The following CERS1 variants were observed in gnomAD, a reference collection of about 807,000 sequenced individuals.
The protein encoded by CERS1 is Embryonic growth/differentiation factor 1.
A neutral mutation model predicts 35.7 loss-of-function variants in CERS1; 16 were observed. The observed-to-expected ratio is 0.45, with a 90% confidence interval of 0.30 to 0.68. The LOEUF (loss-of-function observed/expected upper bound fraction) is 0.68, where lower values mean the gene tolerates loss of function less well. CERS1 is among the 30% of genes least tolerant of loss of function. The pLI, the probability that CERS1 is intolerant of heterozygous loss-of-function variation, is 0.08. For synonymous variants in CERS1, 243 were observed against 201.6 expected (o/e 1.21, Z -1.74); for missense variants, 454 against 453.9 (o/e 1.00, Z 0.00).
intron 6 of CERS1, among the ~76,000 whole-genome samples, chr19:18,877,508 T>C (rs2056079747): frequency 6.6e-6 from 1 of 152,092 alleles, no homozygotes; most frequent in Non-Finnish European, 1.5e-5. Context: ...CCCAGCAGCT[T>C]TGGGAGGCTA....
At position 18,869,062 on chromosome 19, in the gene CERS1, C is replaced by T; in HGVS notation, c.*923G>A. 1.9e-6 allele frequency: 2 copies of T among 1,059,672 alleles called. No homozygotes were observed. Among genetic ancestry groups the T allele is most frequent in the South Asian group, 4.2e-5 (1 of 23,534 alleles). 65.6% of individuals were successfully genotyped at this position (1,059,672 alleles called of 1,614,324 possible). On this transcript the variant is annotated 3_prime_UTR_variant, in exon 8 of 8. Transcript: ENST00000623882. The stretch of plus-strand genomic sequence containing the variant: ...AGGCGGCAGGGGCCCGGGGGCGTAG[C>T]GCCAGCGCCAGGCGGAGGCTGCGCG...
At chr19:18,886,030 G>A (rs1191315330) in intron 2 of CERS1, among the ~76,000 whole-genome samples, 1 of 152,078 alleles carries the variant, frequency 6.6e-6, no homozygotes, top group East Asian at 1.9e-4. Context: ...CAGGTGATGG[G>A]TGACACACCA....
intron 6 of CERS1, among the ~76,000 whole-genome samples, chr19:18,876,063 C>T (rs1442742871): frequency 1.3e-5 from 2 of 152,186 alleles, no homozygotes; most frequent in Non-Finnish European, 2.9e-5. Flanking sequence ...TTTTTCACTG[C>T]AACCTCTGCC....
intron 3 of CERS1, among the ~76,000 whole-genome samples, chr19:18,881,276 A>G: frequency 6.7e-6 from 1 of 150,240 alleles, no homozygotes; most frequent in East Asian, 2.0e-4. Flanking sequence ...CTGGAGCGCA[A>G]TGGCACGATC....
At chr19:18,883,865 C>T (rs1189386740) in intron 3 of CERS1, among the ~76,000 whole-genome samples, 2 of 152,168 alleles carry the variant, frequency 1.3e-5, no homozygotes, top group Non-Finnish European at 2.9e-5. Flanking sequence ...CCCATCCCAG[C>T]GGAATCTCCC....
At position 18,878,365 on chromosome 19, in the gene CERS1, G is replaced by A. The variant is rs1341515059; in HGVS notation, c.1010+565C>T. 2 of 986,462 alleles carry A rather than the reference G, an allele frequency of 2.0e-6. No homozygotes were observed. Among genetic ancestry groups the A allele is most frequent in the African/African-American group, 3.5e-5 (2 of 57,116 alleles). 61.1% of individuals were successfully genotyped at this position (986,462 alleles called of 1,614,324 possible). A position where few individuals can be genotyped will look rare whatever the true frequency, so the allele number is the denominator to read the frequency against. On this transcript the variant is annotated intron_variant, in intron 6 of 7. Coordinates refer to ENST00000623882, the MANE Select transcript of CERS1 (RefSeq NM_021267.5). This position sits in a 1 kb window ranked among gnomAD's most constrained non-coding sequence, Gnocchi z 4.6. The stretch of plus-strand genomic sequence containing the variant: ...GTCACCCAGGGCTGGTGAGGCTCGT[G>A]GGCTATCTCCTTCCCCAGGACTCCC...
intron 4 of CERS1, 115 bp from the exon 5 acceptor site, chr19:18,879,503 C>T (rs2056141789): frequency 1.6e-6 from 2 of 1,256,268 alleles, no homozygotes; most frequent in East Asian, 2.6e-5. Context: ...TTGCCCACCT[C>T]TGCCCACCTG....
chr19:18,884,075 T>C lies in CERS1; in HGVS notation c.590+12A>G. ...TGTGCCTCGGCCCCCTGCCACCCGATCCTGTCCTTACCGGAAGGCGTAGGA... is the reference window on the plus strand; with the variant it reads ...TGTGCCTCGGCCCCCTGCCACCCGACCCTGTCCTTACCGGAAGGCGTAGGA... On this transcript the variant is annotated intron_variant, in intron 3 of 7. Coordinates refer to ENST00000623882, the MANE Select transcript of CERS1 (RefSeq NM_021267.5). 2 of 1,609,508 alleles carry C rather than the reference T, an allele frequency of 1.2e-6. No individual in the cohort carries two copies. The highest frequency in any genetic ancestry group is 1.7e-6 in the Non-Finnish European group (2 of 1,177,124).
chr19:18,893,590 A>G lies in CERS1; in HGVS notation c.250-15T>C. ...TTCGCCAGGGGCTATGGGGGAGAAG[A>G]CAGGCGGGCAGCCATTGGTGCTGGG... On this transcript the variant is annotated splice_polypyrimidine_tract_variant and intron_variant, in intron 1 of 7. Transcript: ENST00000623882. The G allele has an allele frequency of 6.3e-7, 1 of 1,598,712 alleles. No individual in the cohort carries two copies. Among genetic ancestry groups the G allele is most frequent in the Non-Finnish European group, 8.5e-7 (1 of 1,174,300 alleles).
chr19:18,878,297 C>T lies in CERS1; in HGVS notation c.1010+633G>A. ...CTCCGTTCATCCCTGGCCCAGACAC[C>T]CCCTGCCTGCCCCAGGCCTGGGGCT... is the stretch of plus-strand genomic sequence containing the variant. On this transcript the variant is annotated intron_variant, in intron 6 of 7. Coordinates refer to ENST00000623882, the MANE Select transcript of CERS1 (RefSeq NM_021267.5). This position sits in a 1 kb window ranked among gnomAD's most constrained non-coding sequence, Gnocchi z 4.6. 1.0e-6 allele frequency: 1 copy of T among 985,994 alleles called. No homozygotes were observed. Among genetic ancestry groups the T allele is most frequent in the Non-Finnish European group, 1.2e-6 (1 of 830,488 alleles). The allele number at this position is 985,994 out of a possible 1,614,324, so 61.1% of individuals were successfully genotyped here. A position where few individuals can be genotyped will look rare whatever the true frequency, so the allele number is the denominator to read the frequency against.
Position 18,884,112 on chromosome 19 carries a change from G to C in CERS1, c.565C>G (p.Leu189Val). 6.2e-7 allele frequency: 1 copy of C among 1,613,622 alleles called. No individual in the cohort carries two copies. The highest frequency in any genetic ancestry group is 8.5e-7 in the Non-Finnish European group (1 of 1,179,804). ...MLLHHVVTLI[L>V]IVSSYAFRYH... ...CGGAAGGCGTAGGAGGAGACGATGA[G>C]GATGAGAGTGACCACGTGGTGGAGC... is the stretch of plus-strand genomic sequence containing the variant. The change falls in exon 3 of 8, where the codon CTC becomes GTC. Residue 189 changes from leucine to valine, a missense_variant. Physicochemically the swap from Leu to Val is conservative, Grantham distance 32. Coordinates refer to ENST00000623882, the MANE Select transcript of CERS1 (RefSeq NM_021267.5).
chr19:18,868,666 AAAG>A lies in CERS1; in HGVS notation c.*1316_*1318del, dbSNP rs1232905914. 8 of 1,574,682 alleles carry A rather than the reference AAAG, an allele frequency of 5.1e-6. No individual in the cohort carries two copies. Among genetic ancestry groups the A allele is most frequent in the Admixed American group, 3.7e-5 (2 of 54,642 alleles). The stretch of plus-strand genomic sequence containing the variant: ...GCAGCACCACGTTGTCGCTGTTGTC[AAAG>A]AAGAGCACGGAGATGGGCGACAGGC... On this transcript the variant is annotated 3_prime_UTR_variant, in exon 8 of 8. Coordinates refer to ENST00000623882, the MANE Select transcript of CERS1 (RefSeq NM_021267.5).
In CERS1 at chr19:18,896,133, C is replaced by T. The variant is rs1402340382; in HGVS notation, c.-61G>A. The T allele has an allele frequency of 1.5e-6, 1 of 659,716 alleles. No homozygotes were observed. Among genetic ancestry groups the T allele is most frequent in the Non-Finnish European group, 1.9e-6 (1 of 535,612 alleles). 40.9% of individuals were successfully genotyped at this position (659,716 alleles called of 1,614,324 possible). On this transcript the variant is annotated 5_prime_UTR_variant, in exon 1 of 8. Coordinates refer to ENST00000623882, the MANE Select transcript of CERS1 (RefSeq NM_021267.5). This position sits in a 1 kb window ranked among gnomAD's most constrained non-coding sequence, Gnocchi z 5.9. ...CCGCCCGCGGTAGCCGACGGAGCCG[C>T]GCGCCCCGCGTCACGCGCCGCAGCT...
At chr19:18,882,751 G>A (rs1453499395) in intron 3 of CERS1, among the ~76,000 whole-genome samples, 1 of 152,042 alleles carries the variant, frequency 6.6e-6, no homozygotes, top group African/African-American at 2.4e-5. Flanking sequence ...GGAGTGCAGT[G>A]GCATGATCTC....
intron 3 of CERS1, among the ~76,000 whole-genome samples, chr19:18,883,545 G>A: frequency 6.6e-6 from 1 of 152,068 alleles, no homozygotes; most frequent in East Asian, 1.9e-4. Flanking sequence ...AAAAAAAAGA[G>A]AGAGAGAAAT....
rs189120571 is a variant in CERS1, at chr19:18,870,699, G to T, written c.1011-80C>A. The T allele has an allele frequency of 8.6e-4, 429 of 499,102 alleles. 3 individuals carry two copies. In the East Asian group the frequency reaches 0.013, roughly 15 times the overall value. 30.9% of individuals were successfully genotyped at this position (499,102 alleles called of 1,614,324 possible). ...CCTCTTTCCCGCTTCTTCTCTGGCC[G>T]TTTCACACCCCCTGGCTCCTTTTAC... On this transcript the variant is annotated intron_variant, in intron 6 of 7. Transcript: ENST00000623882. The surrounding 1 kb of genome is among the most constrained non-coding windows in gnomAD (Gnocchi z 5.1).
chr19:18,882,627 ACT>A (rs1346339810), intron 3 of CERS1, among the ~76,000 whole-genome samples: 4 of 150,266 alleles, frequency 2.7e-5, no homozygotes, highest in Non-Finnish European at 1.5e-5. Context: ...ACAGAGCGAG[ACT>A]CTGTCTCAAA....
chr19:18,879,466 A>C, intron 4 of CERS1, 78 bp from the exon 5 acceptor site: 4 of 1,496,528 alleles, frequency 2.7e-6, no homozygotes, highest in Non-Finnish European at 3.6e-6. Flanking sequence ...CCCGTCCTAG[A>C]CCCACCCTTG....
chr19:18,876,536 TTGTGTGTG>T (rs60266196), intron 6 of CERS1, among the ~76,000 whole-genome samples: 33 of 143,184 alleles, frequency 2.3e-4, no homozygotes, highest in Admixed American at 1.1e-3. Context: ...TTTGATTGGG[TTGTGTGTG>T]TGTGTGTGTG....
Sources: gnomAD v4.1 joint callset for allele counts (sites outside exome capture counted in the v4.1 genomes callset) on GRCh38, gnomAD v4.1.1 for gene constraint, Gnocchi (gnomAD v3.1) non-coding constraint, MANE v1.5 for transcripts, NCBI Gene and HGNC (gene_info 2026-07-23, HGNC 2026-07-21) for gene names.